The following ZNF704 variants were observed in gnomAD, a reference collection of about 807,000 sequenced individuals.
The protein encoded by ZNF704 is glucocorticoid induced gene 1.
Under a neutral mutation model 44.7 loss-of-function variants are expected in ZNF704, and 10 were observed. The observed-to-expected ratio is 0.22, with a 90% confidence interval of 0.14 to 0.38. The LOEUF (loss-of-function observed/expected upper bound fraction) is 0.38, where lower values mean the gene tolerates loss of function less well. ZNF704 is among the 10% of genes least tolerant of loss of function. ZNF704 has a pLI of 1.00. For synonymous variants in ZNF704, 211 were observed against 207.6 expected (o/e 1.02, Z -0.14); for missense variants, 390 against 545.5 (o/e 0.71, Z 2.84).
At chr8:80,852,785 A>G (rs1226152399) in intron 1 of ZNF704, among the ~76,000 whole-genome samples, 4 of 152,164 alleles carry the variant, frequency 2.6e-5, no homozygotes, top group Non-Finnish European at 5.9e-5. Flanking sequence ...GAGTGGGGCA[A>G]TAGATTTATG....
rs1817714565 is a variant in ZNF704, at chr8:80,639,740, C to G, written c.*1626G>C. 1 of 152,572 alleles carries G rather than the reference C, an allele frequency of 6.6e-6. No homozygotes were observed. Among genetic ancestry groups the G allele is most frequent in the Non-Finnish European group, 1.5e-5 (1 of 68,034 alleles). 9.5% of individuals were successfully genotyped at this position (152,572 alleles called of 1,614,324 possible). A position where few individuals can be genotyped will look rare whatever the true frequency, so the allele number is the denominator to read the frequency against. Reference sequence around the variant, plus strand: ...TATATAAAAAGAATATCTGTCATTACTAGATGTCTTCTTTTTACGCTTAAA... The same window carrying G: ...TATATAAAAAGAATATCTGTCATTAGTAGATGTCTTCTTTTTACGCTTAAA... On this transcript the variant is annotated 3_prime_UTR_variant, in exon 9 of 9. Transcript: ENST00000327835.
intron 2 of ZNF704, among the ~76,000 whole-genome samples, chr8:80,792,044 G>A (rs1807717466): frequency 1.3e-5 from 2 of 152,158 alleles, no homozygotes; most frequent in East Asian, 1.9e-4. Flanking sequence ...GCACAGCCCT[G>A]GGGGCACATC....
chr8:80,670,732 A>T (rs2131615682), intron 4 of ZNF704, 129 bp from the exon 5 acceptor site: 1 of 659,686 alleles, frequency 1.5e-6, no homozygotes, highest in South Asian at 1.8e-5. Context: ...ACTATAACTC[A>T]GCACACTATT....
intron 7 of ZNF704, among the ~76,000 whole-genome samples, chr8:80,648,329 G>A (rs955562076): frequency 2.0e-5 from 3 of 152,098 alleles, no homozygotes; most frequent in Admixed American, 6.5e-5. Flanking sequence ...CATGCATTTC[G>A]AGGACCCACT....
Position 80,685,402 on chromosome 8 carries a change from G to A in ZNF704, c.558+1824C>T, listed in dbSNP as rs114161476. ...AGTCCTTGTCACAACCCTGGGCCGTGAGTCCTTGTCACAACCCTGGGCCAT... is the reference window on the plus strand; with the variant it reads ...AGTCCTTGTCACAACCCTGGGCCGTAAGTCCTTGTCACAACCCTGGGCCAT... On this transcript the variant is annotated intron_variant, in intron 4 of 8. Transcript: ENST00000327835. Among the ~76,000 whole-genome samples the A allele has an allele frequency of 5.8e-3, 887 of 152,254 alleles. 9 individuals carry two copies. Among genetic ancestry groups the A allele is most frequent in the African/African-American group, 0.021 (852 of 41,532 alleles).
chr8:80,868,705 C>T (rs116726505), intron 1 of ZNF704, among the ~76,000 whole-genome samples: 213 of 152,304 alleles, frequency 1.4e-3, no homozygotes, highest in African/African-American at 4.8e-3. Flanking sequence ...AATATTACTG[C>T]GGAACCCAAA....
At chr8:80,812,807 T>C (rs74776413) in intron 2 of ZNF704, among the ~76,000 whole-genome samples, 9,058 of 152,274 alleles carry the variant, frequency 0.059, 293 homozygotes, top group Non-Finnish European at 0.075. Flanking sequence ...TTGGACAGTT[T>C]TGCTTGAATG....
intron 1 of ZNF704, among the ~76,000 whole-genome samples, chr8:80,832,781 AGGCCCTT>A (rs1232907610): frequency 8.5e-5 from 13 of 152,208 alleles, no homozygotes; most frequent in African/African-American, 2.7e-4. Context: ...CAACTCTTTA[AGGCCCTT>A]CCACTCACCA....
chr8:80,641,519 C>A, intron 8 of ZNF704, 42 bp from the exon 9 acceptor site: 3 of 1,282,588 alleles, frequency 2.3e-6, no homozygotes, highest in Admixed American at 2.0e-5. Context: ...GGGAGGAATT[C>A]AATGGGCATT....
At position 80,629,089 on chromosome 8, in the gene ZNF704, G is replaced by T. The variant is rs1227665805; in HGVS notation, c.*12277C>A. The stretch of plus-strand genomic sequence containing the variant: ...CGAACACACAAAGTCCAAAACAATG[G>T]AAAGCAAAAGAAATTCAAAAAATTG... On this transcript the variant is annotated 3_prime_UTR_variant, in exon 9 of 9. Coordinates refer to ENST00000327835, the MANE Select transcript of ZNF704 (RefSeq NM_001033723.3). 3.3e-5 allele frequency: 5 copies of T among 151,930 alleles called. No individual in the cohort carries two copies. The highest frequency in any genetic ancestry group is 1.2e-4 in the African/African-American group (5 of 41,332). 9.4% of individuals were successfully genotyped at this position (151,930 alleles called of 1,614,324 possible). A position where few individuals can be genotyped will look rare whatever the true frequency, so the allele number is the denominator to read the frequency against.
chr8:80,790,794 G>T (rs556147974), intron 2 of ZNF704, among the ~76,000 whole-genome samples: 2 of 152,246 alleles, frequency 1.3e-5, no homozygotes, highest in Admixed American at 6.5e-5. Context: ...ATTGAAGGAT[G>T]CTCTGGGACA....
At chr8:80,856,420 T>G (rs1808962766) in intron 1 of ZNF704, among the ~76,000 whole-genome samples, 1 of 152,182 alleles carries the variant, frequency 6.6e-6, no homozygotes, top group Non-Finnish European at 1.5e-5. Flanking sequence ...TAATTTAATT[T>G]TATTAAATTA....
intron 3 of ZNF704, among the ~76,000 whole-genome samples, chr8:80,691,991 G>A (rs958327475): frequency 7.3e-5 from 11 of 151,616 alleles, no homozygotes; most frequent in African/African-American, 1.7e-4. Flanking sequence ...CGATTATGTC[G>A]TATCTACCTG....
chr8:80,839,893 A>G (rs1365550861), intron 1 of ZNF704, among the ~76,000 whole-genome samples: 7 of 152,112 alleles, frequency 4.6e-5, no homozygotes, highest in Admixed American at 4.6e-4. Flanking sequence ...ACACACACAC[A>G]TCTCCTGGTG....
chr8:80,862,762 C>G, intron 1 of ZNF704, among the ~76,000 whole-genome samples: 1 of 89,560 alleles, frequency 1.1e-5, no homozygotes, highest in South Asian at 4.6e-4. Context: ...GAGACTCCGT[C>G]TCAAAAAAAA....
Position 80,871,351 on chromosome 8 carries a change from T to C in ZNF704, c.-22+3220A>G, listed in dbSNP as rs564846258. 2.6e-5 allele frequency among the ~76,000 whole-genome samples: 4 copies of C among 152,262 alleles called. No individual in the cohort carries two copies. The South Asian group carries it at 8.3e-4, about 32-fold the overall frequency. Reference sequence around the variant, plus strand: ...CAAGTTCCAGCCACACTCACCCTTTTCTCCTTTCCACCTCAAGACTTGCAA... The same window carrying C: ...CAAGTTCCAGCCACACTCACCCTTTCCTCCTTTCCACCTCAAGACTTGCAA... On this transcript the variant is annotated intron_variant, in intron 1 of 8. Transcript: ENST00000327835.
rs77874450 is a variant in ZNF704 at position 80,712,813 on chromosome 8, A to T, written c.222-19706T>A. On this transcript the variant is annotated intron_variant, in intron 2 of 8. Coordinates refer to ENST00000327835, the MANE Select transcript of ZNF704 (RefSeq NM_001033723.3). ...ACTCTGTGTCAAAAAACAGAAAAAA[A>T]AGAAATTAGCTCTTTAATCCATTTT... Among the ~76,000 whole-genome samples the T allele has an allele frequency of 7.0e-3, 1,073 of 152,226 alleles. 5 individuals carry two copies. Among genetic ancestry groups the T allele is most frequent in the Non-Finnish European group, 0.01 (698 of 67,998 alleles).
chr8:80,747,951 G>A (rs544052868), intron 2 of ZNF704, among the ~76,000 whole-genome samples: 34 of 152,246 alleles, frequency 2.2e-4, no homozygotes, highest in Non-Finnish European at 3.8e-4. Flanking sequence ...TCCTGACCTC[G>A]TGATCTGCCC....
At chr8:80,644,789 T>C in intron 7 of ZNF704, 1 of 604,390 alleles carries the variant, frequency 1.7e-6, no homozygotes, top group Non-Finnish European at 3.0e-6. Context: ...GCAAAGCAGT[T>C]ACCAGCACAT....
Sources: allele counts gnomAD v4.1 joint callset (sites outside exome capture counted in the v4.1 genomes callset), GRCh38; gene constraint gnomAD v4.1.1; transcripts MANE v1.5; gene names NCBI Gene and HGNC (gene_info 2026-07-23, HGNC 2026-07-21).